CERS6: variants seen among roughly 807,000 people sequenced by gnomAD.
The protein encoded by CERS6 is LAG1 homolog, ceramide synthase 6.
Under a neutral mutation model 56.8 loss-of-function variants are expected in CERS6, and 26 were observed. The observed-to-expected ratio is 0.46, with a 90% CI of 0.34 to 0.63. CERS6 has a LOEUF of 0.63. Ranked by LOEUF, CERS6 falls within the 30% of genes least tolerant of loss-of-function variation. The pLI, the probability that CERS6 is intolerant of heterozygous loss-of-function variation, is 0.01. For synonymous variants in CERS6, 164 were observed against 173.3 expected, an observed-to-expected ratio of 0.95 and a Z score of 0.42; for missense variants, 415 against 467.5, an observed-to-expected ratio of 0.89 and a Z score of 1.04.
intron 3 of CERS6, among the ~76,000 whole-genome samples, chr2:168,571,313 A>G (rs1020590219): frequency 6.6e-6 from 1 of 151,954 alleles, no homozygotes; most frequent in Admixed American, 6.6e-5. Flanking sequence ...GCTCATGGTA[A>G]CCACATCCTG....
In CERS6 at chr2:168,561,214, A is replaced by G. The variant is rs1574066706; in HGVS notation, c.299A>G (p.Glu100Gly). ...TAGCATCCTGATGAAAAGAGATTGGAAGGCCTCTCCAAGCAACTGGACTGG... is the reference window on the plus strand; with the variant it reads ...TAGCATCCTGATGAAAAGAGATTGGGAGGCCTCTCCAAGCAACTGGACTGG... Reference protein sequence around the residue: ...ITKHPDEKRLEGLSKQLDWDV... With the variant: ...ITKHPDEKRLGGLSKQLDWDV... The change falls in exon 3 of 10, where the codon GAA becomes GGA. Residue 100 changes from glutamate (E) to glycine (G), a missense_variant. Physicochemically the swap from Glu to Gly is moderately conservative, Grantham distance 98. Coordinates refer to ENST00000305747, the MANE Select transcript of CERS6 (RefSeq NM_203463.3). The G allele has an allele frequency of 1.9e-6, 3 of 1,613,948 alleles. No individual in the cohort carries two copies. The African/African-American group carries it at 4.0e-5, about 22-fold the overall frequency.
At chr2:168,596,453 G>A (rs1204924682) in intron 3 of CERS6, among the ~76,000 whole-genome samples, 3 of 152,070 alleles carry the variant, frequency 2.0e-5, no homozygotes, top group Non-Finnish European at 4.4e-5. Flanking sequence ...CGTAACATGA[G>A]TGGGAAAATG....
intron 4 of CERS6, among the ~76,000 whole-genome samples, chr2:168,631,350 A>G (rs559525941): frequency 7.0e-6 from 1 of 143,498 alleles, no homozygotes; most frequent in Non-Finnish European, 1.5e-5. Context: ...TGCAGCATGT[A>G]TTACCACTGT....
chr2:168,498,049 A>G (rs1286479679), intron 1 of CERS6, among the ~76,000 whole-genome samples: 1 of 152,140 alleles, frequency 6.6e-6, no homozygotes, highest in East Asian at 1.9e-4. Flanking sequence ...CAGCATCTTC[A>G]CGGCCCTATT....
intron 6 of CERS6, among the ~76,000 whole-genome samples, chr2:168,708,735 T>G (rs1475077398): frequency 6.6e-6 from 1 of 152,136 alleles, no homozygotes; most frequent in Non-Finnish European, 1.5e-5. Flanking sequence ...ATTCCTCATG[T>G]CTGTGCACAT....
At chr2:168,636,604 G>A (rs1021785861) in intron 4 of CERS6, among the ~76,000 whole-genome samples, 4 of 152,104 alleles carry the variant, frequency 2.6e-5, no homozygotes, top group East Asian at 1.9e-4. Context: ...CTCCTACTCC[G>A]TAAGACCCGT....
intron 4 of CERS6, among the ~76,000 whole-genome samples, chr2:168,635,364 C>A (rs748994562): frequency 3.3e-5 from 5 of 152,220 alleles, no homozygotes; most frequent in African/African-American, 9.6e-5. Flanking sequence ...TGAACTGCTA[C>A]TGCTGGAGTG....
intron 1 of CERS6, among the ~76,000 whole-genome samples, chr2:168,473,700 T>C (rs963762889): frequency 6.6e-6 from 1 of 152,084 alleles, no homozygotes; most frequent in Non-Finnish European, 1.5e-5. Context: ...ATGTCTATAG[T>C]CTCATTAGGA....
At chr2:168,463,239 A>G (rs1228475711) in intron 1 of CERS6, among the ~76,000 whole-genome samples, 1 of 152,180 alleles carries the variant, frequency 6.6e-6, no homozygotes, top group Non-Finnish European at 1.5e-5. Flanking sequence ...TAAAGTAAAT[A>G]TCATTCAATC....
intron 1 of CERS6, among the ~76,000 whole-genome samples, chr2:168,492,724 C>T (rs1167297498): frequency 6.6e-6 from 1 of 152,098 alleles, no homozygotes; most frequent in Non-Finnish European, 1.5e-5. Flanking sequence ...CTTAGGCTTT[C>T]TTCTAAGATT....
chr2:168,713,974 A>C (rs1687163452), intron 6 of CERS6, among the ~76,000 whole-genome samples: 1 of 152,152 alleles, frequency 6.6e-6, no homozygotes, highest in African/African-American at 2.4e-5. Context: ...AAAATACTGT[A>C]GATTTGGAGT....
chr2:168,603,311 T>C (rs1218592712), intron 3 of CERS6, among the ~76,000 whole-genome samples: 1 of 152,152 alleles, frequency 6.6e-6, no homozygotes, highest in Non-Finnish European at 1.5e-5. Context: ...GTGACTTAGA[T>C]AGCTACTTGT....
intron 4 of CERS6, among the ~76,000 whole-genome samples, chr2:168,651,990 A>G (rs984746953): frequency 6.6e-6 from 1 of 152,048 alleles, no homozygotes; most frequent in Admixed American, 6.6e-5. Context: ...ATTGTTTACA[A>G]ATCTCTTTTT....
intron 1 of CERS6, among the ~76,000 whole-genome samples, chr2:168,518,770 T>C (rs1694926830): frequency 6.6e-6 from 1 of 152,178 alleles, no homozygotes; most frequent in Non-Finnish European, 1.5e-5. Context: ...ACATTGAAAA[T>C]GGATCTGTTT....
At chr2:168,721,918 C>T (rs967631688) in intron 8 of CERS6, among the ~76,000 whole-genome samples, 2 of 152,136 alleles carry the variant, frequency 1.3e-5, no homozygotes, top group Admixed American at 1.3e-4. Flanking sequence ...ATGCACCCAG[C>T]CCACCACACT....
rs138809214 is a variant in CERS6 at position 168,733,730 on chromosome 2, A to G, written c.845+15752A>G. On this transcript the variant is annotated intron_variant, in intron 8 of 9. Coordinates refer to ENST00000305747, the MANE Select transcript of CERS6 (RefSeq NM_203463.3). ...CCAGTCATAACAAAAGCCTCTGACAATTCTGGAAACATGATGATGGTAGAG... is the reference window on the plus strand; with the variant it reads ...CCAGTCATAACAAAAGCCTCTGACAGTTCTGGAAACATGATGATGGTAGAG... Among the ~76,000 whole-genome samples, 499 of 152,304 alleles carry G rather than the reference A, an allele frequency of 3.3e-3. 2 individuals are homozygous for G. Among genetic ancestry groups the G allele is most frequent in the African/African-American group, 0.012 (482 of 41,572 alleles).
intron 1 of CERS6, among the ~76,000 whole-genome samples, chr2:168,521,614 C>G (rs1285819345): frequency 6.6e-6 from 1 of 152,164 alleles, no homozygotes; most frequent in East Asian, 1.9e-4. Flanking sequence ...GAGGCACTTC[C>G]AGACAGACGT....
intron 3 of CERS6, among the ~76,000 whole-genome samples, chr2:168,588,988 C>T (rs906370838): frequency 7.9e-5 from 12 of 152,222 alleles, no homozygotes; most frequent in African/African-American, 2.9e-4. Flanking sequence ...AGTCTGCCTG[C>T]CTTGGCCTCC....
At chr2:168,496,677 A>C (rs1694477494) in intron 1 of CERS6, among the ~76,000 whole-genome samples, 1 of 152,194 alleles carries the variant, frequency 6.6e-6, no homozygotes, top group South Asian at 2.1e-4. Context: ...ACAACATAGA[A>C]GATATCATCA....
Sources: allele counts gnomAD v4.1 joint callset (sites outside exome capture counted in the v4.1 genomes callset), GRCh38; gene constraint gnomAD v4.1.1; transcripts MANE v1.5; gene names NCBI Gene and HGNC (gene_info 2026-07-23, HGNC 2026-07-21).